The following DOCK3 variants were observed in gnomAD, a reference collection of about 807,000 sequenced individuals.
DOCK3 encodes dedicator of cytokinesis 3.
DOCK3 carries 60 observed loss-of-function variants against 265.6 expected under a neutral mutation model. The observed-to-expected ratio is 0.23, with a 90% CI of 0.18 to 0.28. DOCK3 has a LOEUF of 0.28. Ranked by LOEUF, DOCK3 falls within the 10% of genes least tolerant of loss-of-function variation. The probability of loss-of-function intolerance (pLI) is 1.00; values close to 1 mark genes in which losing one functional copy is unlikely to be tolerated. For synonymous variants in DOCK3, 881 were observed against 938.0 expected (o/e 0.94, Z 1.11); for missense variants, 1,981 against 2,594.3 (o/e 0.76, Z 5.14).
At chr3:51,174,293 T>TA (rs1261419194) in intron 12 of DOCK3, among the ~76,000 whole-genome samples, 1 of 151,424 alleles carries the variant, frequency 6.6e-6, no homozygotes, top group Non-Finnish European at 1.5e-5. Flanking sequence ...CTGTCTCTAC[T>TA]AAAAAAAAAT....
rs1553759573 is a variant in DOCK3 at position 51,101,114 on chromosome 3, T to TG, written c.746+10730_746+10731insG. On this transcript the variant is annotated intron_variant, in intron 9 of 52. Transcript: ENST00000266037. ...GCTACCATGCTCGGCTTAGTCTTTC[T>TG]TTTTTTTTTTTTTTTTTGAGACGGA... 1.9e-3 allele frequency among the ~76,000 whole-genome samples: 6 copies of TG among 3,228 alleles called. No homozygotes were observed. In the East Asian group the frequency reaches 0.1, roughly 56 times the overall value. 2.1% of individuals were successfully genotyped at this position (3,228 alleles called of 152,430 possible). A position where few individuals can be genotyped will look rare whatever the true frequency, so the allele number is the denominator to read the frequency against.
chr3:50,917,848 G>A (rs932507905), intron 4 of DOCK3, among the ~76,000 whole-genome samples: 57 of 152,010 alleles, frequency 3.7e-4, no homozygotes, highest in African/African-American at 1.4e-3. Flanking sequence ...ACATGTTGGT[G>A]TGCTGCATCC....
chr3:50,746,030 C>T (rs1304490518), intron 1 of DOCK3, among the ~76,000 whole-genome samples: 2 of 151,478 alleles, frequency 1.3e-5, no homozygotes, highest in Non-Finnish European at 2.9e-5. Flanking sequence ...CAAAGATTTT[C>T]TTTCAGTCTA....
intron 7 of DOCK3, among the ~76,000 whole-genome samples, chr3:51,079,418 C>G (rs2082153590): frequency 6.6e-6 from 1 of 152,060 alleles, no homozygotes; most frequent in Non-Finnish European, 1.5e-5. Flanking sequence ...CTGCAACCAC[C>G]ACCTCCTGGG....
intron 5 of DOCK3, among the ~76,000 whole-genome samples, chr3:50,982,166 C>T (rs549759653): frequency 4.6e-5 from 7 of 152,016 alleles, no homozygotes; most frequent in East Asian, 1.9e-4. Flanking sequence ...ATGTTTCTTG[C>T]GAAGTGAATT....
intron 27 of DOCK3, among the ~76,000 whole-genome samples, chr3:51,292,560 C>A (rs948056072): frequency 6.6e-6 from 1 of 152,024 alleles, no homozygotes; most frequent in East Asian, 1.9e-4. Flanking sequence ...TCGCTTGAGC[C>A]CAGGAGTTTG....
At chr3:50,889,573 G>C (rs986825319) in intron 3 of DOCK3, among the ~76,000 whole-genome samples, 1 of 151,614 alleles carries the variant, frequency 6.6e-6, no homozygotes, top group Admixed American at 6.6e-5. Flanking sequence ...TATTTTAGAA[G>C]TTCTTGAATT....
rs397743678 is a variant in DOCK3 at position 51,178,017 on chromosome 3, A to AC, written c.1037+17316dup. Among the ~76,000 whole-genome samples, 26 of 109,350 alleles carry AC rather than the reference A, an allele frequency of 2.4e-4. 1 individual carries two copies. In the East Asian group the frequency reaches 3.2e-3, roughly 14 times the overall value. 71.7% of individuals were successfully genotyped at this position (109,350 alleles called of 152,430 possible). A position where few individuals can be genotyped will look rare whatever the true frequency, so the allele number is the denominator to read the frequency against. ...AAAAACAAAAAACAAACAAAAAAAAACTCAAAATAGTAAAAAAAAAAAAAG... is the reference window on the plus strand; with the variant it reads ...AAAAACAAAAAACAAACAAAAAAAAACCTCAAAATAGTAAAAAAAAAAAAAG... On this transcript the variant is annotated intron_variant, in intron 12 of 52. Transcript: ENST00000266037.
intron 5 of DOCK3, among the ~76,000 whole-genome samples, chr3:51,013,594 G>A (rs1182604020): frequency 6.6e-6 from 1 of 152,180 alleles, no homozygotes; most frequent in South Asian, 2.1e-4. Context: ...GCCCCTATTG[G>A]GAGGTGTCTC....
chr3:51,339,733 C>T (rs2085112399), intron 37 of DOCK3, among the ~76,000 whole-genome samples: 1 of 152,242 alleles, frequency 6.6e-6, no homozygotes, highest in African/African-American at 2.4e-5. Context: ...ATCTGATTGA[C>T]TTATGCCATC....
At chr3:50,832,577 G>T (rs1040298213) in intron 2 of DOCK3, among the ~76,000 whole-genome samples, 3 of 152,188 alleles carry the variant, frequency 2.0e-5, no homozygotes, top group Non-Finnish European at 2.9e-5. Context: ...CTGACTTCTT[G>T]TCTCATCCTG....
At chr3:51,117,104 A>C (rs1239900529) in intron 9 of DOCK3, among the ~76,000 whole-genome samples, 1 of 152,212 alleles carries the variant, frequency 6.6e-6, no homozygotes, top group Non-Finnish European at 1.5e-5. Flanking sequence ...TGGGTTTGTC[A>C]TAAATAGTTC....
chr3:50,899,804 C>T (rs913387768), intron 4 of DOCK3, among the ~76,000 whole-genome samples: 3 of 152,122 alleles, frequency 2.0e-5, no homozygotes, highest in Admixed American at 6.6e-5. Context: ...GAATATTGCT[C>T]CTCTACCCCC....
chr3:50,957,715 G>A (rs1477868454), intron 5 of DOCK3, among the ~76,000 whole-genome samples: 1 of 152,168 alleles, frequency 6.6e-6, no homozygotes, highest in Non-Finnish European at 1.5e-5. Flanking sequence ...TTGAACACCA[G>A]CCAGAACACA....
At chr3:51,357,166 C>T in intron 44 of DOCK3, 25 bp downstream of exon 44, 1 of 1,599,984 alleles carries the variant, frequency 6.3e-7, no homozygotes. Context: ...CAGGCCAAAC[C>T]CATGCAGCCA....
chr3:50,890,187 C>A, intron 4 of DOCK3, 106 bp downstream of exon 4: 1 of 861,216 alleles, frequency 1.2e-6, no homozygotes, highest in Non-Finnish European at 1.6e-6. Context: ...GATATGTTTT[C>A]CTGGCAAAAA....
intron 27 of DOCK3, among the ~76,000 whole-genome samples, chr3:51,286,528 G>C (rs944784176): frequency 6.6e-6 from 1 of 152,036 alleles, no homozygotes; most frequent in Non-Finnish European, 1.5e-5. Context: ...TAAGCAAAAA[G>C]AACAAAGCTG....
chr3:50,711,075 A>C (rs2036733215), intron 1 of DOCK3, among the ~76,000 whole-genome samples: 1 of 152,156 alleles, frequency 6.6e-6, no homozygotes, highest in African/African-American at 2.4e-5. Flanking sequence ...CCATATAATC[A>C]AGAACCACCT....
intron 5 of DOCK3, among the ~76,000 whole-genome samples, chr3:51,033,696 G>T (rs1341336826): frequency 2.0e-5 from 3 of 152,110 alleles, no homozygotes; most frequent in African/African-American, 7.2e-5. Flanking sequence ...GTTGGCTGTT[G>T]TTTGTGCAGT....
Sources: gnomAD v4.1 joint callset for allele counts (sites outside exome capture counted in the v4.1 genomes callset) on GRCh38, gnomAD v4.1.1 for gene constraint, MANE v1.5 for transcripts, NCBI Gene and HGNC (gene_info 2026-07-23, HGNC 2026-07-21) for gene names.